PTPRG: variants seen among roughly 807,000 people sequenced by gnomAD.
The protein encoded by PTPRG is protein tyrosine phosphatase receptor type G.
PTPRG carries 102 observed loss-of-function variants against 165.3 expected under a neutral mutation model. That is an observed-to-expected ratio of 0.62 (90% CI 0.53 to 0.73). PTPRG has a LOEUF of 0.73. Among genes scored for constraint, PTPRG ranks in the 30% least tolerant of loss-of-function variants. PTPRG has a pLI of 0.00. For synonymous variants in PTPRG, 675 were observed against 669.5 expected, an observed-to-expected ratio of 1.01 and a Z score of -0.13; for missense variants, 1,866 against 1,861.4, an observed-to-expected ratio of 1.00 and a Z score of -0.05.
intron 1 of PTPRG, among the ~76,000 whole-genome samples, chr3:61,731,505 C>T (rs1293726827): frequency 6.6e-6 from 1 of 151,920 alleles, no homozygotes; most frequent in Non-Finnish European, 1.5e-5. Context: ...CGCACCACCA[C>T]GCCCAGCTAA....
chr3:62,281,610 C>T lies in PTPRG; in HGVS notation c.3813C>T (p.Asn1271=), dbSNP rs1456297877. The T allele has an allele frequency of 4.6e-6, 7 of 1,509,032 alleles. No homozygotes were observed. The highest frequency in any genetic ancestry group is 6.2e-6 in the Non-Finnish European group (7 of 1,122,644). 93.5% of individuals were successfully genotyped at this position (1,509,032 alleles called of 1,614,324 possible). Residue 1271 remains asparagine (N), a synonymous_variant, in exon 27 of 30, where the codon AAC becomes AAT. Coordinates refer to ENST00000474889, the MANE Select transcript of PTPRG (RefSeq NM_002841.4). The stretch of plus-strand genomic sequence containing the variant: ...GGCCAAGTCGAGAAGAATCCATGAA[C>T]TGTGAGGCCTTTACCGTCACCCTTA... ...VYWPSREESM[N]CEAFTVTLIS...
At chr3:61,873,262 G>T (rs1173362689) in intron 2 of PTPRG, among the ~76,000 whole-genome samples, 1 of 152,166 alleles carries the variant, frequency 6.6e-6, no homozygotes, top group Non-Finnish European at 1.5e-5. Context: ...CAGGCAGTAG[G>T]TGAATTTGAT....
intron 8 of PTPRG, among the ~76,000 whole-genome samples, chr3:62,188,865 A>G (rs1699730802): frequency 6.6e-6 from 1 of 152,154 alleles, no homozygotes. Flanking sequence ...ATTATGGGAT[A>G]TAGAAGCTTC....
chr3:61,646,261 C>T (rs1167845477), intron 1 of PTPRG, among the ~76,000 whole-genome samples: 2 of 152,122 alleles, frequency 1.3e-5, no homozygotes, highest in Admixed American at 1.3e-4. Flanking sequence ...CCCACCACGC[C>T]ACCACGCTTG....
intron 2 of PTPRG, among the ~76,000 whole-genome samples, chr3:61,835,045 T>C (rs141575201): frequency 3.9e-5 from 6 of 152,278 alleles, no homozygotes; most frequent in African/African-American, 7.2e-5. Flanking sequence ...CAGCTAGATA[T>C]AGAAATAAAG....
At chr3:61,794,986 G>C (rs1323366305) in intron 2 of PTPRG, among the ~76,000 whole-genome samples, 1 of 152,168 alleles carries the variant, frequency 6.6e-6, no homozygotes, top group African/African-American at 2.4e-5. Context: ...TGACCTCACT[G>C]TTACTAGTAG....
chr3:61,755,904 T>C (rs1471112136), intron 2 of PTPRG, among the ~76,000 whole-genome samples: 1 of 152,138 alleles, frequency 6.6e-6, no homozygotes, highest in African/African-American at 2.4e-5. Flanking sequence ...GGTTTTATGT[T>C]TAAGACCACT....
intron 4 of PTPRG, among the ~76,000 whole-genome samples, chr3:62,006,216 G>A (rs2041295790): frequency 1.3e-5 from 2 of 152,120 alleles, no homozygotes; most frequent in South Asian, 4.2e-4. Context: ...AGGTCCATCT[G>A]ATTCATAGCT....
chr3:62,274,948 C>T (rs904625457), intron 23 of PTPRG, among the ~76,000 whole-genome samples: 20 of 151,844 alleles, frequency 1.3e-4, no homozygotes, highest in African/African-American at 4.1e-4. Context: ...TTAAGAAATG[C>T]GACCAGGTAG....
intron 5 of PTPRG, among the ~76,000 whole-genome samples, chr3:62,122,478 TAAAAG>T (rs1333107995): frequency 5.9e-5 from 9 of 151,962 alleles, no homozygotes; most frequent in Non-Finnish European, 1.0e-4. Context: ...TACCCCCTCT[TAAAAG>T]AAAAAAAAGC....
At chr3:61,854,659 T>C (rs2107376926) in intron 2 of PTPRG, among the ~76,000 whole-genome samples, 1 of 152,252 alleles carries the variant, frequency 6.6e-6, no homozygotes, top group African/African-American at 2.4e-5. Flanking sequence ...GTGGACTAGA[T>C]ATAGATGAGA....
At chr3:61,985,728 C>G (rs190380302) in intron 2 of PTPRG, among the ~76,000 whole-genome samples, 2 of 152,080 alleles carry the variant, frequency 1.3e-5, no homozygotes, top group East Asian at 1.9e-4. Flanking sequence ...TTTGATTGAC[C>G]TTCTTTGATT....
intron 2 of PTPRG, among the ~76,000 whole-genome samples, chr3:61,929,326 A>G (rs2039302701): frequency 6.6e-6 from 1 of 150,558 alleles, no homozygotes; most frequent in South Asian, 2.2e-4. Flanking sequence ...CTACTGAAGA[A>G]TTATGTTTAA....
intron 7 of PTPRG, 56 bp from the exon 8 acceptor site, chr3:62,167,915 G>C (rs1013935682): frequency 6.7e-7 from 1 of 1,495,172 alleles, no homozygotes; most frequent in African/African-American, 1.4e-5. Flanking sequence ...TCTAATTGAT[G>C]TGTGTTTTTT....
Position 62,210,269 on chromosome 3 carries a change from G to A in PTPRG, c.2155+6319G>A, listed in dbSNP as rs759945783. 1.3e-5 allele frequency among the ~76,000 whole-genome samples: 2 copies of A among 152,176 alleles called. No homozygotes were observed. Among genetic ancestry groups the A allele is most frequent in the Non-Finnish European group, 2.9e-5 (2 of 68,024 alleles). On this transcript the variant is annotated intron_variant, in intron 12 of 29. Coordinates refer to ENST00000474889, the MANE Select transcript of PTPRG (RefSeq NM_002841.4). The surrounding 1 kb of genome is among the most constrained non-coding windows in gnomAD (Gnocchi z 4.1). ...CTGTTGCAAGAGAACATATTTATTT[G>A]TAACTGATGAACAATCATTTCTCTG... is the stretch of plus-strand genomic sequence containing the variant.
intron 2 of PTPRG, among the ~76,000 whole-genome samples, chr3:61,805,213 T>C (rs1303206054): frequency 6.6e-6 from 1 of 152,146 alleles, no homozygotes; most frequent in African/African-American, 2.4e-5. Context: ...GGAGACATTT[T>C]TGGTTGTTAC....
rs926239919 is a variant in PTPRG at position 62,240,626 on chromosome 3, CCT to C, written c.2376-3177_2376-3176del. On this transcript the variant is annotated intron_variant, in intron 14 of 29. Transcript: ENST00000474889. This position sits in a 1 kb window ranked among gnomAD's most constrained non-coding sequence, Gnocchi z 5.1. The stretch of plus-strand genomic sequence containing the variant: ...TCCTGCATGATCTGGCTCTGGCCCA[CCT>C]CTCCAACCTTGCTTTCCACAGCCTT... 2.0e-5 allele frequency among the ~76,000 whole-genome samples: 3 copies of C among 152,196 alleles called. No individual in the cohort carries two copies. Among genetic ancestry groups the C allele is most frequent in the African/African-American group, 7.2e-5 (3 of 41,444 alleles).
chr3:61,691,736 C>T (rs911690339), intron 1 of PTPRG, among the ~76,000 whole-genome samples: 1 of 152,068 alleles, frequency 6.6e-6, no homozygotes, highest in African/African-American at 2.4e-5. Flanking sequence ...CAGTGCTTTC[C>T]CTGGGGCCAC....
chr3:61,716,787 A>G (rs1047176460), intron 1 of PTPRG, among the ~76,000 whole-genome samples: 2 of 152,168 alleles, frequency 1.3e-5, no homozygotes, highest in African/African-American at 2.4e-5. Flanking sequence ...CCTGGCCAAG[A>G]TGGTGAAACC....
Sources: gnomAD v4.1 joint callset for allele counts (sites outside exome capture counted in the v4.1 genomes callset) on GRCh38, gnomAD v4.1.1 for gene constraint, Gnocchi (gnomAD v3.1) non-coding constraint, MANE v1.5 for transcripts, NCBI Gene and HGNC (gene_info 2026-07-23, HGNC 2026-07-21) for gene names.